The following AADACL2 variants were observed in gnomAD, a reference collection of about 807,000 sequenced individuals.
AADACL2 encodes arylacetamide deacetylase like 2, also known as arylacetamide deacetylase-like 2.
AADACL2 carries 23 observed loss-of-function variants against 22.3 expected under a neutral mutation model. The observed-to-expected ratio is 1.03, with a 90% CI of 0.74 to 1.46. AADACL2 has a LOEUF of 1.46. AADACL2 is among the 40% of genes most tolerant of loss of function. AADACL2 has a pLI of 0.00. For synonymous variants in AADACL2, 177 were observed against 166.2 expected, an observed-to-expected ratio of 1.07 and a Z score of -0.50; for missense variants, 472 against 482.9, an observed-to-expected ratio of 0.98 and a Z score of 0.21.
chr3:151,738,497 C>CCAA (rs1713167797), intron 1 of AADACL2, among the ~76,000 whole-genome samples: 1 of 152,136 alleles, frequency 6.6e-6, no homozygotes, highest in Non-Finnish European at 1.5e-5. Context: ...CAAGGAGTAT[C>CCAA]TTAGTGGTGT....
At chr3:151,745,400 T>G in intron 3 of AADACL2, 109 bp from the exon 4 acceptor site, 3 of 1,172,348 alleles carry the variant, frequency 2.6e-6, no homozygotes, top group Non-Finnish European at 3.6e-6. Context: ...TTAGGCTTGA[T>G]TTTTAGAAGA....
chr3:151,747,228 C>G (rs1015852854), intron 4 of AADACL2, among the ~76,000 whole-genome samples: 1 of 152,070 alleles, frequency 6.6e-6, no homozygotes, highest in Non-Finnish European at 1.5e-5. Flanking sequence ...CACATAGTTA[C>G]CATTTATTTT....
intron 4 of AADACL2, among the ~76,000 whole-genome samples, chr3:151,750,268 C>T (rs569131589): frequency 3.9e-5 from 6 of 152,244 alleles, no homozygotes; most frequent in East Asian, 1.9e-4. Context: ...ATGTTCATAA[C>T]GGAAAATTAG....
chr3:151,737,599 T>C (rs896589679), intron 1 of AADACL2, among the ~76,000 whole-genome samples: 1 of 152,118 alleles, frequency 6.6e-6, no homozygotes, highest in African/African-American at 2.4e-5. Flanking sequence ...GGAGTCTAAG[T>C]CTCTTTGAAG....
rs1713419781 is a variant in AADACL2 at position 151,745,640 on chromosome 3, ACAGTTCTGGGGG to A, written c.566_577del (p.Ser189_Gly192del). 1.2e-6 allele frequency: 2 copies of A among 1,613,018 alleles called. No homozygotes were observed. The highest frequency in any genetic ancestry group is 4.5e-5 in the East Asian group (2 of 44,830). On this transcript the variant is annotated inframe_deletion, in exon 4 of 5. Coordinates refer to ENST00000356517, the MANE Select transcript of AADACL2 (RefSeq NM_207365.4). ...CCCACCCGAATCTGCATTGCGGGAGACAGTTCTGGGGGCAATTTAGCAACAGCGGTCACTCAA... is the reference window on the plus strand; with the variant it reads ...CCCACCCGAATCTGCATTGCGGGAGACAATTTAGCAACAGCGGTCACTCAA...
intron 4 of AADACL2, among the ~76,000 whole-genome samples, chr3:151,753,902 G>A (rs1452541704): frequency 6.6e-6 from 1 of 152,096 alleles, no homozygotes; most frequent in Non-Finnish European, 1.5e-5. Flanking sequence ...GCCGTAATAT[G>A]TTCCCTTGGC....
chr3:151,746,145 G>A (rs1232710365), intron 4 of AADACL2, among the ~76,000 whole-genome samples: 1 of 151,932 alleles, frequency 6.6e-6, no homozygotes, highest in African/African-American at 2.4e-5. Flanking sequence ...TATTTTCAGT[G>A]TAGAAATCAT....
rs1167911214 is a variant in AADACL2 at position 151,761,207 on chromosome 3, A to T, written c.*3613A>T. The stretch of plus-strand genomic sequence containing the variant: ...TGGTGAGATATATACATATTGTGAT[A>T]TATATATATATATATATATATATAT... On this transcript the variant is annotated 3_prime_UTR_variant, in exon 5 of 5. Coordinates refer to ENST00000356517, the MANE Select transcript of AADACL2 (RefSeq NM_207365.4). 1 of 44,612 alleles carries T rather than the reference A, an allele frequency of 2.2e-5. No homozygotes were observed. The highest frequency in any genetic ancestry group is 1.0e-4 in the African/African-American group (1 of 9,804). The allele number at this position is 44,612 out of a possible 1,614,324, so 2.8% of individuals were successfully genotyped here.
intron 4 of AADACL2, among the ~76,000 whole-genome samples, chr3:151,754,058 T>C (rs1040981284): frequency 5.9e-5 from 9 of 152,116 alleles, no homozygotes; most frequent in Non-Finnish European, 1.3e-4. Context: ...GATTACTGCT[T>C]TGAATGGGCT....
chr3:151,743,515 C>T (rs1181317469), intron 2 of AADACL2, among the ~76,000 whole-genome samples: 1 of 152,120 alleles, frequency 6.6e-6, no homozygotes, highest in Non-Finnish European at 1.5e-5. Context: ...TTCACACTGA[C>T]CTGCCAGAGG....
chr3:151,756,349 C>A (rs2107991931), intron 4 of AADACL2, among the ~76,000 whole-genome samples: 1 of 152,080 alleles, frequency 6.6e-6, no homozygotes, highest in East Asian at 1.9e-4. Flanking sequence ...TAATTTTCTC[C>A]CTTTGTTTCT....
chr3:151,757,031 C>A lies in AADACL2; in HGVS notation c.643C>A (p.Gln215Lys). The A allele has an allele frequency of 1.2e-6, 2 of 1,608,458 alleles. No individual in the cohort carries two copies. The highest frequency in any genetic ancestry group is 1.7e-6 in the Non-Finnish European group (2 of 1,178,206). ...TGAAATAAAACATAAAATCAAGATGCAAGTCTTACTTTACCCTGGCTTACA... is the reference window on the plus strand; with the variant it reads ...TGAAATAAAACATAAAATCAAGATGAAAGTCTTACTTTACCCTGGCTTACA... ...DAEIKHKIKMQVLLYPGLQIT... is the reference protein window; with the variant it reads ...DAEIKHKIKMKVLLYPGLQIT... The change falls in exon 5 of 5, where the codon CAA (glutamine) becomes AAA (lysine). Residue 215 changes from glutamine (Q) to lysine (K), a missense_variant. By Grantham distance (53) the Gln-to-Lys change is moderately conservative (BLOSUM62 1). Transcript: ENST00000356517.
chr3:151,746,364 T>G (rs1050956974), intron 4 of AADACL2, among the ~76,000 whole-genome samples: 2 of 112,422 alleles, frequency 1.8e-5, no homozygotes, highest in East Asian at 2.8e-4. Flanking sequence ...GTGTTTTTTT[T>G]GTTTTTTTTT....
chr3:151,749,444 AG>A lies in AADACL2; in HGVS notation c.603+3767del, dbSNP rs530503886. Among the ~76,000 whole-genome samples, 154 of 152,226 alleles carry A rather than the reference AG, an allele frequency of 1.0e-3. 1 individual carries two copies. Among genetic ancestry groups the A allele is most frequent in the African/African-American group, 3.4e-3 (140 of 41,552 alleles). On this transcript the variant is annotated intron_variant, in intron 4 of 4. Transcript: ENST00000356517. ...ACTAACAGATTTTTGGTAGAGTCTT[AG>A]GGTTTTCTGTATCTAATATCATGTA...
Position 151,740,796 on chromosome 3 carries a change from A to G in AADACL2, c.289A>G (p.Lys97Glu), listed in dbSNP as rs1172927546. ...VDIPVRLYLP[K>E]RKSETRRRAV... ...CATTCCAGTACGATTGTACTTGCCA[A>G]AAAGAAAGTCAGAAACCCGAAGGCG... is the stretch of plus-strand genomic sequence containing the variant. The change falls in exon 2 of 5, where the codon AAA becomes GAA. Residue 97 changes from lysine (K) to glutamate (E), a missense_variant. Physicochemically the swap from Lys to Glu is moderately conservative, Grantham distance 56 (BLOSUM62 1). This residue lies in a region of AADACL2 where 356 missense variants were observed against 365.5 expected (regional missense o/e 0.97). Transcript: ENST00000356517. 1 of 1,613,908 alleles carries G rather than the reference A, an allele frequency of 6.2e-7. No individual in the cohort carries two copies. The highest frequency in any genetic ancestry group is 1.3e-5 in the African/African-American group (1 of 74,930).
chr3:151,740,983 T>A, intron 2 of AADACL2, 115 bp downstream of exon 2: 2 of 795,700 alleles, frequency 2.5e-6, no homozygotes, highest in Non-Finnish European at 3.9e-6. Flanking sequence ...TATACTTGTC[T>A]GGATATGGAT....
chr3:151,754,031 T>C (rs6809332), intron 4 of AADACL2, among the ~76,000 whole-genome samples: 75,994 of 151,934 alleles, frequency 0.5, 19,798 homozygotes, highest in African/African-American at 0.65. Context: ...TTATGCCAAG[T>C]GCAGGTGTCC....
intron 1 of AADACL2, among the ~76,000 whole-genome samples, chr3:151,736,724 T>C (rs1400539085): frequency 6.6e-6 from 1 of 152,240 alleles, no homozygotes; most frequent in Non-Finnish European, 1.5e-5. Flanking sequence ...TATTCTATCA[T>C]TGATGTGCAT....
At position 151,745,592 on chromosome 3, in the gene AADACL2, T is replaced by A. The variant is rs766866019; in HGVS notation, c.515T>A (p.Ile172Asn). 5.0e-6 allele frequency: 8 copies of A among 1,613,668 alleles called. No individual in the cohort carries two copies. The highest frequency in any genetic ancestry group is 6.8e-6 in the Non-Finnish European group (8 of 1,179,878). The change falls in exon 4 of 5, where the codon ATT (isoleucine) becomes AAT (asparagine). Residue 172 changes from isoleucine (I) to asparagine (N), a missense_variant. Around this residue, in one of 3 missense-constraint regions of AADACL2, gnomAD observed 356 missense variants for 365.5 expected, o/e 0.97. Transcript: ENST00000356517. The stretch of plus-strand genomic sequence containing the variant: ...GTCAAATTTTTTCTTTTGGAAAAAA[T>A]TCTTACAAAATATGGAGTGGATCCC... The part of the protein sequence containing the change: ...AAVKFFLLEK[I>N]LTKYGVDPTR...
Sources: gnomAD v4.1 joint callset for allele counts (sites outside exome capture counted in the v4.1 genomes callset) on GRCh38, gnomAD v4.1.1 for gene constraint, gnomAD v4.1.1 regional missense constraint, MANE v1.5 for transcripts, NCBI Gene and HGNC (gene_info 2026-07-23, HGNC 2026-07-21) for gene names.